Variants in NIBAN1 observed in about 807,000 individuals in gnomAD.
NIBAN1 encodes niban apoptosis regulator 1.
A neutral mutation model predicts 75.1 loss-of-function variants in NIBAN1; 81 were observed. The ratio of observed to expected loss-of-function variants is 1.08; its 90% CI spans 0.90 to 1.30. The LOEUF (loss-of-function observed/expected upper bound fraction) is 1.30, where lower values mean the gene tolerates loss of function less well. Ranked by LOEUF, NIBAN1 falls within the 50% of genes most tolerant of loss-of-function variation. NIBAN1 has a pLI of 0.00. For synonymous variants in NIBAN1, 436 were observed against 424.8 expected (o/e 1.03, Z -0.32); for missense variants, 1,133 against 1,128.1 (o/e 1.00, Z -0.06).
intron 1 of NIBAN1, among the ~76,000 whole-genome samples, chr1:184,955,118 T>A (rs1259187042): frequency 2.0e-5 from 3 of 152,178 alleles, no homozygotes; most frequent in Non-Finnish European, 4.4e-5. Flanking sequence ...AAATAGCAGT[T>A]TTGTATTAAA....
intron 5 of NIBAN1, among the ~76,000 whole-genome samples, chr1:184,862,277 A>G (rs1282606016): frequency 6.6e-6 from 1 of 151,460 alleles, no homozygotes; most frequent in African/African-American, 2.4e-5. Context: ...TCAGCTTCCT[A>G]GTCGATGCTC....
chr1:184,858,215 CTTA>C (rs1461295808), intron 5 of NIBAN1, among the ~76,000 whole-genome samples: 1 of 151,122 alleles, frequency 6.6e-6, no homozygotes, highest in Non-Finnish European at 1.5e-5. Context: ...GTTCAGAGTT[CTTA>C]TAAGAAAATT....
At chr1:184,870,368 A>T (rs1557894459) in intron 5 of NIBAN1, among the ~76,000 whole-genome samples, 1 of 152,014 alleles carries the variant, frequency 6.6e-6, no homozygotes, top group Non-Finnish European at 1.5e-5. Context: ...GATATAATTT[A>T]CTCTTGATGA....
intron 5 of NIBAN1, among the ~76,000 whole-genome samples, chr1:184,859,051 TACAGGAGTTCTAATTC>T (rs1163896691): frequency 6.6e-6 from 1 of 152,048 alleles, no homozygotes; most frequent in African/African-American, 2.4e-5. Context: ...TTTTAATTCC[TACAGGAGTTCTAATTC>T]CTCTATGGAG....
At chr1:184,921,122 C>A (rs547229825) in intron 1 of NIBAN1, among the ~76,000 whole-genome samples, 49 of 120,546 alleles carry the variant, frequency 4.1e-4, no homozygotes, top group Middle Eastern at 4.3e-3. Context: ...GAGCAAGGCT[C>A]TGTCTCAAAA....
Position 184,818,691 on chromosome 1 carries a change from T to C in NIBAN1, c.1120A>G (p.Asn374Asp). The C allele has an allele frequency of 1.2e-6, 2 of 1,612,496 alleles. No individual in the cohort carries two copies. The highest frequency in any genetic ancestry group is 2.2e-5 in the South Asian group (2 of 90,912). The change falls in exon 9 of 14, where the codon AAT (asparagine) becomes GAT (aspartate). Residue 374 changes from asparagine (N) to aspartate (D), a missense_variant. Coordinates refer to ENST00000367511, the MANE Select transcript of NIBAN1 (RefSeq NM_052966.4). The stretch of plus-strand genomic sequence containing the variant: ...GTCTGGAAGTTCTGGCTGACTTCAT[T>C]CACCTCTTTCTCAAAGAGTACACGT... ...EVRVLFEKEVNEVSQNFQTTK... is the reference protein window; with the variant it reads ...EVRVLFEKEVDEVSQNFQTTK...
intron 1 of NIBAN1, among the ~76,000 whole-genome samples, chr1:184,909,688 T>C (rs1035614539): frequency 1.3e-5 from 2 of 152,222 alleles, no homozygotes; most frequent in African/African-American, 4.8e-5. Flanking sequence ...CAAGATTTTG[T>C]GAAATGCCAA....
At chr1:184,856,096 A>G (rs2102269817) in intron 5 of NIBAN1, among the ~76,000 whole-genome samples, 1 of 152,314 alleles carries the variant, frequency 6.6e-6, no homozygotes, top group Non-Finnish European at 1.5e-5. Flanking sequence ...ACTTATTCCC[A>G]TATTTTTCTA....
Position 184,795,475 on chromosome 1 carries a change from A to C in NIBAN1, c.2289T>G (p.Cys763Trp). Reference protein sequence around the residue: ...SQAAAIHPDNCEESEVSEREA... With the variant: ...SQAAAIHPDNWEESEVSEREA... Reference sequence around the variant, plus strand: ...CCCTCTCGCTGACTTCACTTTCTTCACAGTTGTCGGGGTGGATGGCAGCTG... The same window carrying C: ...CCCTCTCGCTGACTTCACTTTCTTCCCAGTTGTCGGGGTGGATGGCAGCTG... The change falls in exon 14 of 14, where the codon TGT becomes TGG. Residue 763 changes from cysteine to tryptophan, a missense_variant. Transcript: ENST00000367511. The C allele has an allele frequency of 1.2e-6, 2 of 1,611,196 alleles. No individual in the cohort carries two copies. The highest frequency in any genetic ancestry group is 1.7e-6 in the Non-Finnish European group (2 of 1,178,932).
intron 1 of NIBAN1, among the ~76,000 whole-genome samples, chr1:184,947,196 G>A (rs2102058662): frequency 6.6e-6 from 1 of 152,334 alleles, no homozygotes; most frequent in South Asian, 2.1e-4. Flanking sequence ...GTACTCAAAT[G>A]ACTTTAAGAA....
chr1:184,899,802 A>G (rs945088704), intron 1 of NIBAN1, among the ~76,000 whole-genome samples: 1 of 112,846 alleles, frequency 8.9e-6, no homozygotes, highest in Non-Finnish European at 1.8e-5. Flanking sequence ...CAAGCACATC[A>G]CTCTCTTTTT....
At chr1:184,885,520 C>T (rs552119653) in intron 4 of NIBAN1, among the ~76,000 whole-genome samples, 9 of 152,286 alleles carry the variant, frequency 5.9e-5, no homozygotes, top group East Asian at 5.8e-4. Flanking sequence ...GACCCACAAA[C>T]GGAGCTTCCT....
chr1:184,823,066 TA>T, intron 8 of NIBAN1, 100 bp downstream of exon 8: 1 of 1,386,350 alleles, frequency 7.2e-7, no homozygotes, highest in Admixed American at 2.0e-5. Flanking sequence ...CCCAATTTCT[TA>T]AGTGTAATTA....
intron 5 of NIBAN1, among the ~76,000 whole-genome samples, chr1:184,862,944 G>C (rs752659482): frequency 5.3e-5 from 8 of 151,820 alleles, no homozygotes; most frequent in South Asian, 2.1e-4. Flanking sequence ...CATCACCCAG[G>C]TATTAAGCCC....
At chr1:184,896,704 GA>G (rs1392344019) in intron 2 of NIBAN1, among the ~76,000 whole-genome samples, 2 of 151,986 alleles carry the variant, frequency 1.3e-5, no homozygotes, top group Non-Finnish European at 1.5e-5. Context: ...TAATCCATCT[GA>G]AGTTAATTTT....
intron 12 of NIBAN1, 142 bp from the exon 13 acceptor site, chr1:184,798,332 T>G (rs1279356327): frequency 1.8e-6 from 1 of 547,806 alleles, no homozygotes; most frequent in East Asian, 2.9e-5. Flanking sequence ...AGGGGCAAAT[T>G]ACTCAATTCA....
chr1:184,959,179 G>C (rs1335977898), intron 1 of NIBAN1, among the ~76,000 whole-genome samples: 1 of 151,058 alleles, frequency 6.6e-6, no homozygotes, highest in Non-Finnish European at 1.5e-5. Flanking sequence ...TCTGGCCCCA[G>C]ACCAGCCACA....
At chr1:184,852,036 AGCAGAGACTCAC>A (rs1655554512) in intron 5 of NIBAN1, among the ~76,000 whole-genome samples, 1 of 152,152 alleles carries the variant, frequency 6.6e-6, no homozygotes, top group South Asian at 2.1e-4. Flanking sequence ...AACTTCGGTG[AGCAGAGACTCAC>A]ATGGAAGCGA....
intron 1 of NIBAN1, among the ~76,000 whole-genome samples, chr1:184,927,736 C>T (rs1451993922): frequency 6.6e-6 from 1 of 152,030 alleles, no homozygotes; most frequent in Admixed American, 6.6e-5. Context: ...TCCTTATTTT[C>T]AGAATGGTGA....
Sources: gnomAD v4.1 joint callset for allele counts (sites outside exome capture counted in the v4.1 genomes callset) on GRCh38, gnomAD v4.1.1 for gene constraint, MANE v1.5 for transcripts, NCBI Gene and HGNC (gene_info 2026-07-23, HGNC 2026-07-21) for gene names.